PPP1R1A: variants seen among roughly 807,000 people sequenced by gnomAD.
PPP1R1A encodes the protein protein phosphatase 1 regulatory subunit 1A.
Under a neutral mutation model 23.9 loss-of-function variants are expected in PPP1R1A, and 18 were observed. That is an observed-to-expected ratio of 0.75 (90% CI 0.52 to 1.12). PPP1R1A has a LOEUF of 1.12. PPP1R1A is among the 50% of genes most tolerant of loss of function. The pLI, the probability that PPP1R1A is intolerant of heterozygous loss-of-function variation, is 0.00. For synonymous variants in PPP1R1A, 84 were observed against 80.7 expected, an observed-to-expected ratio of 1.04 and a Z score of -0.22; for missense variants, 207 against 223.8, an observed-to-expected ratio of 0.92 and a Z score of 0.48.
intron 6 of PPP1R1A, 138 bp downstream of exon 6, chr12:54,580,806 C>T: frequency 4.9e-6 from 4 of 811,488 alleles, no homozygotes; most frequent in Non-Finnish European, 8.9e-6. Flanking sequence ...AGTCCTTTTA[C>T]CATAAAGAAT....
chr12:54,586,184 GAC>G (rs1225267220), intron 1 of PPP1R1A, among the ~76,000 whole-genome samples: 1 of 152,292 alleles, frequency 6.6e-6, no homozygotes, highest in East Asian at 1.9e-4. Flanking sequence ...CTGCAAGTAT[GAC>G]AGAGGGCAGC....
In PPP1R1A at chr12:54,579,513, C is replaced by G; in HGVS notation, c.*874G>C. On this transcript the variant is annotated 3_prime_UTR_variant, in exon 7 of 7. Coordinates refer to ENST00000257905, the MANE Select transcript of PPP1R1A (RefSeq NM_006741.4). ...AGGGGGAAAGAATCTTGCCTTCCCT[C>G]CTTTCCTCTCTCCCACTACCTGGGA... The G allele has an allele frequency of 1.0e-6, 1 of 985,426 alleles. No individual in the cohort carries two copies. Among genetic ancestry groups the G allele is most frequent in the Non-Finnish European group, 1.2e-6 (1 of 829,950 alleles). 61.0% of individuals were successfully genotyped at this position (985,426 alleles called of 1,614,324 possible).
At chr12:54,585,784 A>G (rs1490678864) in intron 1 of PPP1R1A, among the ~76,000 whole-genome samples, 3 of 139,638 alleles carry the variant, frequency 2.1e-5, no homozygotes, top group Non-Finnish European at 3.1e-5. Flanking sequence ...TGAGGGGGGA[A>G]CTCTTTCCAA....
In PPP1R1A at chr12:54,580,986, G is replaced by A. The variant is rs776103610; in HGVS notation, c.468C>T (p.Pro156=). 2.5e-6 allele frequency: 4 copies of A among 1,613,880 alleles called. No individual in the cohort carries two copies. Among genetic ancestry groups the A allele is most frequent in the South Asian group, 2.2e-5 (2 of 91,090 alleles). ...AATCCAGTGGTGGTATATGGGTTGA[G>A]GGTTCTTTTGTGCTGGGTTCCTTAC... is the stretch of plus-strand genomic sequence containing the variant. The part of the protein sequence containing the change: ...RGSKEPSTKE[P]STHIPPLDSK... The change falls in exon 6 of 7, where the codon CCC becomes CCT. Residue 156 remains proline, a synonymous_variant. Coordinates refer to ENST00000257905, the MANE Select transcript of PPP1R1A (RefSeq NM_006741.4).
chr12:54,583,300 C>T, intron 2 of PPP1R1A, 52 bp from the exon 3 acceptor site: 1 of 1,414,764 alleles, frequency 7.1e-7, no homozygotes, highest in Non-Finnish European at 9.3e-7. Flanking sequence ...ACCAGGGATC[C>T]CCATAGAGCT....
At chr12:54,585,705 G>C (rs544140336) in intron 1 of PPP1R1A, among the ~76,000 whole-genome samples, 2 of 151,916 alleles carry the variant, frequency 1.3e-5, no homozygotes, top group Admixed American at 1.3e-4. Context: ...TGACAGAGGT[G>C]AACACTGCCC....
Position 54,588,552 on chromosome 12 carries a change from G to T in PPP1R1A, c.-64C>A. 1 of 1,070,598 alleles carries T rather than the reference G, an allele frequency of 9.3e-7. No homozygotes were observed. The highest frequency in any genetic ancestry group is 1.2e-6 in the Non-Finnish European group (1 of 827,692). The allele number at this position is 1,070,598 out of a possible 1,614,324, so 66.3% of individuals were successfully genotyped here. A position where few individuals can be genotyped will look rare whatever the true frequency, so the allele number is the denominator to read the frequency against. On this transcript the variant is annotated 5_prime_UTR_variant, in exon 1 of 7. Coordinates refer to ENST00000257905, the MANE Select transcript of PPP1R1A (RefSeq NM_006741.4). ...AGGGAAGGCGGCGGGACTCGGGGCT[G>T]GGGCGGGCGCGCTCCCTCTCCGCTC... is the stretch of plus-strand genomic sequence containing the variant.
Position 54,580,296 on chromosome 12 carries a change from G to T in PPP1R1A, c.*91C>A. On this transcript the variant is annotated 3_prime_UTR_variant, in exon 7 of 7. Coordinates refer to ENST00000257905, the MANE Select transcript of PPP1R1A (RefSeq NM_006741.4). ...AATTTATCACTTTTTAAAAACAAGA[G>T]ATTTTCCCCAAAAGTGAAGGAATAA... 2 of 1,581,900 alleles carry T rather than the reference G, an allele frequency of 1.3e-6. No homozygotes were observed. Among genetic ancestry groups the T allele is most frequent in the South Asian group, 1.2e-5 (1 of 86,346 alleles).
chr12:54,580,877 C>T, intron 6 of PPP1R1A, 67 bp downstream of exon 6: 1 of 1,270,176 alleles, frequency 7.9e-7, no homozygotes, highest in South Asian at 1.2e-5. Flanking sequence ...AAATATTAGC[C>T]CCTTGCTTTT....
chr12:54,580,726 T>C (rs188770249), intron 6 of PPP1R1A, among the ~76,000 whole-genome samples: 1 of 152,372 alleles, frequency 6.6e-6, no homozygotes, highest in East Asian at 1.9e-4. Context: ...CCAGAAGTCC[T>C]ACACAAAGTC....
intron 2 of PPP1R1A, 104 bp downstream of exon 2, chr12:54,584,156 C>G (rs188241379): frequency 8.5e-7 from 1 of 1,177,146 alleles, no homozygotes. Flanking sequence ...AGGACATCCC[C>G]GCCTTCTCAG....
chr12:54,579,449 G>T lies in PPP1R1A; in HGVS notation c.*938C>A, dbSNP rs149017828. On this transcript the variant is annotated 3_prime_UTR_variant, in exon 7 of 7. Transcript: ENST00000257905. ...CAGAAGTGGGACCTGACGCTTCTCA[G>T]GCTCTGCTCTTGCCTCTGTACCACA... 18 of 985,242 alleles carry T rather than the reference G, an allele frequency of 1.8e-5. No individual in the cohort carries two copies. Among genetic ancestry groups the T allele is most frequent in the Non-Finnish European group, 1.4e-5 (12 of 829,942 alleles). 61.0% of individuals were successfully genotyped at this position (985,242 alleles called of 1,614,324 possible). A position where few individuals can be genotyped will look rare whatever the true frequency, so the allele number is the denominator to read the frequency against.
rs762584241 is a variant in PPP1R1A, at chr12:54,579,523, C to T, written c.*864G>A. 71 of 985,304 alleles carry T rather than the reference C, an allele frequency of 7.2e-5. No individual in the cohort carries two copies. The highest frequency in any genetic ancestry group is 8.4e-5 in the Non-Finnish European group (70 of 829,970). The allele number at this position is 985,304 out of a possible 1,614,324, so 61.0% of individuals were successfully genotyped here. ...AATCTTGCCTTCCCTCCTTTCCTCTCTCCCACTACCTGGGAAAATCAAAAA... is the reference window on the plus strand; with the variant it reads ...AATCTTGCCTTCCCTCCTTTCCTCTTTCCCACTACCTGGGAAAATCAAAAA... On this transcript the variant is annotated 3_prime_UTR_variant, in exon 7 of 7. Transcript: ENST00000257905.
At chr12:54,584,382 C>A in intron 1 of PPP1R1A, 62 bp from the exon 2 acceptor site, 1 of 1,412,644 alleles carries the variant, frequency 7.1e-7, no homozygotes, top group South Asian at 1.3e-5. Context: ...AAGCCCCACC[C>A]AAAACCACTC....
intron 1 of PPP1R1A, among the ~76,000 whole-genome samples, chr12:54,587,180 T>C (rs566040139): frequency 6.6e-6 from 1 of 152,286 alleles, no homozygotes; most frequent in African/African-American, 2.4e-5. Flanking sequence ...GGAGAGTGTG[T>C]ACCCCTGCCC....
At chr12:54,586,322 TC>T (rs1304656100) in intron 1 of PPP1R1A, among the ~76,000 whole-genome samples, 2 of 152,148 alleles carry the variant, frequency 1.3e-5, no homozygotes, top group Non-Finnish European at 2.9e-5. Flanking sequence ...AAGTCAGACT[TC>T]CTGAGGTACC....
intron 1 of PPP1R1A, among the ~76,000 whole-genome samples, chr12:54,584,808 G>T (rs1221131619): frequency 6.6e-6 from 1 of 152,026 alleles, no homozygotes; most frequent in African/African-American, 2.4e-5. Flanking sequence ...CCCCTGGGGA[G>T]AGCTAATCCT....
In PPP1R1A at chr12:54,580,411, G is replaced by A; in HGVS notation, c.511-19C>T. ...CTCAGACCTGTTATGGGGGAAAGGG[G>A]ACAGAAAGAGAAGGTGAGAGGCCAG... On this transcript the variant is annotated intron_variant, in intron 6 of 6. Transcript: ENST00000257905. The A allele has an allele frequency of 6.2e-7, 1 of 1,608,014 alleles. No individual in the cohort carries two copies. The highest frequency in any genetic ancestry group is 2.2e-5 in the East Asian group (1 of 44,846).
chr12:54,585,046 A>T (rs978544257), intron 1 of PPP1R1A, among the ~76,000 whole-genome samples: 3 of 152,222 alleles, frequency 2.0e-5, no homozygotes, highest in African/African-American at 4.8e-5. Flanking sequence ...GCAAGATGTT[A>T]ACATTTTGTG....
Sources: gnomAD v4.1 joint callset for allele counts (sites outside exome capture counted in the v4.1 genomes callset) on GRCh38, gnomAD v4.1.1 for gene constraint, MANE v1.5 for transcripts, NCBI Gene and HGNC (gene_info 2026-07-23, HGNC 2026-07-21) for gene names.